The following PRKN variants were observed in gnomAD, a reference collection of about 807,000 sequenced individuals.
The protein encoded by PRKN is parkin RBR E3 ubiquitin protein ligase.
Under a neutral mutation model 59.5 loss-of-function variants are expected in PRKN, and 56 were observed. The ratio of observed to expected loss-of-function variants is 0.94; its 90% CI spans 0.76 to 1.18. The LOEUF (loss-of-function observed/expected upper bound fraction) is 1.18. Ranked by LOEUF, PRKN falls within the 50% of genes most tolerant of loss-of-function variation. The probability of loss-of-function intolerance (pLI) is 0.00; values close to 1 mark genes in which losing one functional copy is unlikely to be tolerated. For missense variants in PRKN, 657 were observed against 596.4 expected, an observed-to-expected ratio of 1.10 and a Z score of -1.06; for synonymous variants, 250 against 222.1, an observed-to-expected ratio of 1.13 and a Z score of -1.12.
At chr6:162,332,964 C>T (rs1235337329) in intron 2 of PRKN, among the ~76,000 whole-genome samples, 1 of 152,144 alleles carries the variant, frequency 6.6e-6, no homozygotes, top group Admixed American at 6.6e-5. Context: ...TTTTACCCTG[C>T]ACAGGGCTCT....
chr6:162,727,696 C>G lies in PRKN; in HGVS notation c.-28G>C. 2 of 1,567,330 alleles carry G rather than the reference C, an allele frequency of 1.3e-6. No homozygotes were observed. The highest frequency in any genetic ancestry group is 1.2e-5 in the South Asian group (1 of 85,394). ...TCACTGGGTAGGTGGCGGCTGCGGG[C>G]CAGGAACAGGCCCATGCGCGCAGCG... On this transcript the variant is annotated 5_prime_UTR_variant, in exon 1 of 12. Coordinates refer to ENST00000366898, the MANE Select transcript of PRKN (RefSeq NM_004562.3).
intron 4 of PRKN, among the ~76,000 whole-genome samples, chr6:162,059,780 A>C (rs1778022400): frequency 6.6e-6 from 1 of 152,168 alleles, no homozygotes; most frequent in Non-Finnish European, 1.5e-5. Flanking sequence ...GATAACCAAG[A>C]AAAATATATA....
intron 6 of PRKN, among the ~76,000 whole-genome samples, chr6:161,787,207 A>G (rs1305715467): frequency 6.6e-6 from 1 of 152,222 alleles, no homozygotes; most frequent in Non-Finnish European, 1.5e-5. Flanking sequence ...CTTAACACCT[A>G]AAAGATTTTC....
At chr6:162,202,967 C>T (rs1278188272) in intron 3 of PRKN, among the ~76,000 whole-genome samples, 2 of 151,184 alleles carry the variant, frequency 1.3e-5, no homozygotes, top group African/African-American at 2.4e-5. Context: ...AAAGGTCAAA[C>T]AATAAAAAGA....
intron 5 of PRKN, 55 bp from the exon 6 acceptor site, chr6:161,973,472 T>C: frequency 1.1e-6 from 1 of 932,356 alleles, no homozygotes; most frequent in Admixed American, 1.8e-5. Context: ...TCATTTTTCC[T>C]CTAAATGTTT....
chr6:162,627,456 T>C (rs1000396608), intron 1 of PRKN, among the ~76,000 whole-genome samples: 3 of 152,194 alleles, frequency 2.0e-5, no homozygotes, highest in Admixed American at 6.5e-5. Flanking sequence ...GTTTATTTTA[T>C]AGGTAATGAG....
At chr6:161,408,842 T>C (rs1356645048) in intron 9 of PRKN, among the ~76,000 whole-genome samples, 2 of 152,204 alleles carry the variant, frequency 1.3e-5, no homozygotes, top group Non-Finnish European at 2.9e-5. Flanking sequence ...TGAAATCTTA[T>C]CTAAAATGAG....
intron 2 of PRKN, among the ~76,000 whole-genome samples, chr6:162,363,650 C>A (rs146660236): frequency 4.6e-5 from 7 of 152,104 alleles, no homozygotes; most frequent in South Asian, 2.1e-4. Flanking sequence ...TTAACAAAAA[C>A]CTTTTAAAAA....
intron 4 of PRKN, among the ~76,000 whole-genome samples, chr6:162,078,026 AT>A (rs1778905545): frequency 6.9e-6 from 1 of 145,340 alleles, no homozygotes; most frequent in Non-Finnish European, 1.5e-5. Flanking sequence ...AAAAAAAATT[AT>A]TTTTTATTCA....
intron 6 of PRKN, among the ~76,000 whole-genome samples, chr6:161,861,986 T>C: frequency 6.6e-6 from 1 of 152,206 alleles, no homozygotes; most frequent in East Asian, 1.9e-4. Flanking sequence ...ATTCTTTGCC[T>C]CTTTCAGTTT....
intron 6 of PRKN, among the ~76,000 whole-genome samples, chr6:161,842,128 A>G (rs564257584): frequency 1.1e-3 from 174 of 152,244 alleles, no homozygotes; most frequent in African/African-American, 4.0e-3. Flanking sequence ...ATTAAACAAA[A>G]GCTAAAATCC....
chr6:162,225,262 C>T (rs73596221), intron 3 of PRKN, among the ~76,000 whole-genome samples: 1,935 of 152,258 alleles, frequency 0.013, 48 homozygotes, highest in African/African-American at 0.044. Flanking sequence ...GGCATTAATC[C>T]ATCCATGACT....
At chr6:161,496,070 C>T (rs138039393) in intron 9 of PRKN, among the ~76,000 whole-genome samples, 114 of 152,362 alleles carry the variant, frequency 7.5e-4, no homozygotes, top group African/African-American at 2.6e-3. Context: ...AAGTGCCAAA[C>T]ATTTGTTCAA....
intron 1 of PRKN, among the ~76,000 whole-genome samples, chr6:162,669,663 A>T (rs1779247584): frequency 6.6e-6 from 1 of 152,128 alleles, no homozygotes; most frequent in South Asian, 2.1e-4. Flanking sequence ...ATCATCCTAG[A>T]CTATTAAATT....
At chr6:162,561,372 A>C (rs1779832800) in intron 1 of PRKN, among the ~76,000 whole-genome samples, 1 of 146,178 alleles carries the variant, frequency 6.8e-6, no homozygotes, top group Non-Finnish European at 1.5e-5. Flanking sequence ...TTTTTAAAAG[A>C]TAATCTAGTG....
intron 2 of PRKN, among the ~76,000 whole-genome samples, chr6:162,430,121 G>A (rs1416255462): frequency 6.6e-6 from 1 of 151,888 alleles, no homozygotes; most frequent in Non-Finnish European, 1.5e-5. Flanking sequence ...GGAGCAGACA[G>A]TGCCTCCTGG....
intron 3 of PRKN, among the ~76,000 whole-genome samples, chr6:162,253,061 C>T (rs6921358): frequency 0.22 from 34,167 of 152,170 alleles, 4,787 homozygotes; most frequent in African/African-American, 0.38. Context: ...ATTCTGGTGG[C>T]CAGGACGCTG....
chr6:161,748,048 A>G (rs190301909), intron 7 of PRKN, among the ~76,000 whole-genome samples: 1 of 152,314 alleles, frequency 6.6e-6, no homozygotes, highest in East Asian at 1.9e-4. Flanking sequence ...TCTTGGCTTC[A>G]CTAGGCATAA....
At chr6:162,693,975 C>T (rs1777874605) in intron 1 of PRKN, among the ~76,000 whole-genome samples, 1 of 152,028 alleles carries the variant, frequency 6.6e-6, no homozygotes. Context: ...AGGTCAGGCA[C>T]GGTGGCTCAT....
Sources: gnomAD v4.1 joint callset for allele counts (sites outside exome capture counted in the v4.1 genomes callset) on GRCh38, gnomAD v4.1.1 for gene constraint, MANE v1.5 for transcripts, NCBI Gene and HGNC (gene_info 2026-07-23, HGNC 2026-07-21) for gene names.